Variants in MGAT4D observed in about 807,000 individuals in gnomAD.
The protein encoded by MGAT4D is alpha-1,3-mannosyl-glycoprotein 4-beta-N-acetylglucosaminyltransferase-like protein MGAT4D.
MGAT4D carries 34 observed loss-of-function variants against 15.9 expected under a neutral mutation model. The observed-to-expected ratio is 2.14, with a 90% CI of 1.62 to 2.84. The LOEUF (loss-of-function observed/expected upper bound fraction) is 2.84. MGAT4D is among the 30% of genes most tolerant of loss of function. MGAT4D has a pLI of 0.00. For missense variants in MGAT4D, 327 were observed against 140.2 expected, an observed-to-expected ratio of 2.33 and a Z score of -6.73; for synonymous variants, 112 against 48.2, an observed-to-expected ratio of 2.33 and a Z score of -5.49.
intron 5 of MGAT4D, among the ~76,000 whole-genome samples, chr4:140,468,738 T>C (rs959688191): frequency 1.3e-5 from 2 of 152,120 alleles, no homozygotes; most frequent in African/African-American, 4.8e-5. Flanking sequence ...CTTTATTTAA[T>C]CCCTCTCCCT....
chr4:140,458,569 C>G (rs182378797), intron 8 of MGAT4D: 33 of 152,242 alleles, frequency 2.2e-4, no homozygotes, highest in African/African-American at 7.5e-4. Flanking sequence ...AACAGGTAGT[C>G]CTCACTTTGC....
At chr4:140,493,592 G>T (rs1484292073) in intron 1 of MGAT4D, among the ~76,000 whole-genome samples, 1 of 152,050 alleles carries the variant, frequency 6.6e-6, no homozygotes, top group East Asian at 1.9e-4. Context: ...ACCGTGCCTG[G>T]CCTGTTCCTT....
intron 10 of MGAT4D, among the ~76,000 whole-genome samples, chr4:140,443,822 A>G (rs1307553942): frequency 6.6e-6 from 1 of 152,232 alleles, no homozygotes; most frequent in African/African-American, 2.4e-5. Flanking sequence ...GTTTAGGGTA[A>G]TTTAAAGTGA....
At chr4:140,467,028 T>C (rs1194050118) in intron 5 of MGAT4D, among the ~76,000 whole-genome samples, 1 of 152,060 alleles carries the variant, frequency 6.6e-6, no homozygotes. Flanking sequence ...ACTTAAAAAC[T>C]TGGGGGGAAA....
At chr4:140,471,067 T>G (rs1731906274) in intron 5 of MGAT4D, among the ~76,000 whole-genome samples, 1 of 151,942 alleles carries the variant, frequency 6.6e-6, no homozygotes, top group Non-Finnish European at 1.5e-5. Context: ...GGGGGCCATT[T>G]TTTCAGTAGA....
chr4:140,485,878 T>C (rs1438531298), intron 1 of MGAT4D, among the ~76,000 whole-genome samples: 2 of 144,388 alleles, frequency 1.4e-5, no homozygotes, highest in Non-Finnish European at 1.5e-5. Context: ...GTTGAAACAT[T>C]TAATATTTTT....
At chr4:140,493,046 T>C (rs1215075039) in intron 1 of MGAT4D, among the ~76,000 whole-genome samples, 1 of 152,220 alleles carries the variant, frequency 6.6e-6, no homozygotes, top group Non-Finnish European at 1.5e-5. Flanking sequence ...ATTTCCATTT[T>C]CTTGCTTCCT....
chr4:140,486,147 G>A (rs1021667774), intron 1 of MGAT4D, among the ~76,000 whole-genome samples: 5 of 151,966 alleles, frequency 3.3e-5, no homozygotes, highest in Non-Finnish European at 4.4e-5. Flanking sequence ...TTCCTCACAC[G>A]AGCCAAACAC....
chr4:140,460,568 G>A (rs1731108515), intron 7 of MGAT4D, among the ~76,000 whole-genome samples: 1 of 152,200 alleles, frequency 6.6e-6, no homozygotes, highest in South Asian at 2.1e-4. Flanking sequence ...AGGAGCCGTG[G>A]CTCACGCCTA....
intron 4 of MGAT4D, among the ~76,000 whole-genome samples, chr4:140,473,907 GC>G (rs1458064662): frequency 1.3e-5 from 2 of 150,846 alleles, no homozygotes; most frequent in East Asian, 3.9e-4. Context: ...TCGCTATGTT[GC>G]CCAGGCTGAT....
chr4:140,469,569 G>C (rs576759830), intron 5 of MGAT4D, among the ~76,000 whole-genome samples: 1 of 152,132 alleles, frequency 6.6e-6, no homozygotes, highest in South Asian at 2.1e-4. Flanking sequence ...TTATTATCTA[G>C]ACCGGTAACC....
chr4:140,457,638 T>C (rs1235098996), intron 8 of MGAT4D: 1 of 152,196 alleles, frequency 6.6e-6, no homozygotes, highest in Non-Finnish European at 1.5e-5. Context: ...GAAAAACTTT[T>C]GTAAGTTAAA....
intron 7 of MGAT4D, among the ~76,000 whole-genome samples, chr4:140,461,614 T>C (rs918172056): frequency 1.3e-5 from 2 of 152,140 alleles, no homozygotes; most frequent in Admixed American, 1.3e-4. Context: ...GAAATAAATA[T>C]AGGCATACAA....
At chr4:140,485,707 G>A (rs1340373434) in intron 1 of MGAT4D, among the ~76,000 whole-genome samples, 1 of 149,102 alleles carries the variant, frequency 6.7e-6, no homozygotes, top group Non-Finnish European at 1.5e-5. Flanking sequence ...CACTTTGGGA[G>A]GTCAAGGTGA....
At chr4:140,493,512 G>T (rs1308582326) in intron 1 of MGAT4D, among the ~76,000 whole-genome samples, 4 of 151,854 alleles carry the variant, frequency 2.6e-5, no homozygotes, top group Non-Finnish European at 1.5e-5. Flanking sequence ...AGCCAGGATG[G>T]TCTCGATCTC....
At chr4:140,485,939 C>T (rs1402158669) in intron 1 of MGAT4D, among the ~76,000 whole-genome samples, 5 of 147,070 alleles carry the variant, frequency 3.4e-5, no homozygotes, top group Non-Finnish European at 6.0e-5. Flanking sequence ...CAGCCTGTGG[C>T]AAAAATTGGA....
At chr4:140,483,403 C>T (rs952525980) in intron 1 of MGAT4D, among the ~76,000 whole-genome samples, 10 of 151,970 alleles carry the variant, frequency 6.6e-5, no homozygotes, top group African/African-American at 1.9e-4. Context: ...ATCACATGTT[C>T]GTAGATTAGA....
chr4:140,495,449 C>T (rs189709336), intron 1 of MGAT4D, among the ~76,000 whole-genome samples: 53 of 152,294 alleles, frequency 3.5e-4, no homozygotes, highest in Middle Eastern at 3.4e-3. Context: ...TCACTTGGTG[C>T]CTACAACATG....
At chr4:140,456,563 T>C (rs1448860262) in intron 9 of MGAT4D, 26 bp downstream of exon 9, 6 of 597,422 alleles carry the variant, frequency 1.0e-5, no homozygotes, top group Admixed American at 5.8e-5. Flanking sequence ...CCTAAAATAT[T>C]TGGTATTCAT....
Sources: allele counts gnomAD v4.1 joint callset (sites outside exome capture counted in the v4.1 genomes callset), GRCh38; gene constraint gnomAD v4.1.1; transcripts MANE v1.5; gene names NCBI Gene and HGNC (gene_info 2026-07-23, HGNC 2026-07-21).